Variants in RGS7BP observed in about 807,000 individuals in gnomAD.
The protein encoded by RGS7BP is regulator of G protein signaling 7-binding protein.
RGS7BP carries 9 observed loss-of-function variants against 31.3 expected under a neutral mutation model. The observed-to-expected ratio is 0.29, with a 90% confidence interval of 0.17 to 0.50. RGS7BP has a LOEUF of 0.50. Among genes scored for constraint, RGS7BP ranks in the 20% least tolerant of loss-of-function variants. The pLI, the probability that RGS7BP is intolerant of heterozygous loss-of-function variation, is 0.98. For synonymous variants in RGS7BP, 115 were observed against 120.1 expected, an observed-to-expected ratio of 0.96 and a Z score of 0.28; for missense variants, 274 against 322.0, an observed-to-expected ratio of 0.85 and a Z score of 1.14.
intron 2 of RGS7BP, 107 bp from the exon 3 acceptor site, chr5:64,575,667 C>T (rs1180893161): frequency 2.1e-6 from 3 of 1,453,868 alleles, no homozygotes; most frequent in Non-Finnish European, 2.7e-6. Context: ...AGGATCAAGG[C>T]TTTAAGGAAT....
chr5:64,506,246 C>G lies in RGS7BP; in HGVS notation c.-379C>G, dbSNP rs908660020. 5.2e-5 allele frequency: 9 copies of G among 174,216 alleles called. No homozygotes were observed. Among genetic ancestry groups the G allele is most frequent in the South Asian group, 2.0e-4 (1 of 5,068 alleles). The allele number at this position is 174,216 out of a possible 1,614,324, so 10.8% of individuals were successfully genotyped here. On this transcript the variant is annotated 5_prime_UTR_variant, in exon 1 of 6. Transcript: ENST00000334025. This position sits in a 1 kb window ranked among gnomAD's most constrained non-coding sequence, Gnocchi z 4.6. The stretch of plus-strand genomic sequence containing the variant: ...TGCAGCGCAGGCTTTGAAAGCTGCT[C>G]CCCCACCTGAATGGAAACTCGGAAC...
intron 2 of RGS7BP, among the ~76,000 whole-genome samples, chr5:64,531,209 G>A (rs1749361948): frequency 6.6e-6 from 1 of 152,208 alleles, no homozygotes; most frequent in African/African-American, 2.4e-5. Flanking sequence ...AGGATTGAAT[G>A]TAAGACAACT....
chr5:64,550,535 C>T lies in RGS7BP; in HGVS notation c.333-25239C>T, dbSNP rs188424838. The stretch of plus-strand genomic sequence containing the variant: ...ATGAATTTGGTGAGGGGATTCAGGC[C>T]ATAATGTAGAATATTTCTCACTTTG... On this transcript the variant is annotated intron_variant, in intron 2 of 5. Coordinates refer to ENST00000334025, the MANE Select transcript of RGS7BP (RefSeq NM_001029875.3). Among the ~76,000 whole-genome samples, 153 of 149,606 alleles carry T rather than the reference C, an allele frequency of 1.0e-3. 3 individuals carry two copies. The highest frequency in any genetic ancestry group is 3.8e-3 in the African/African-American group (151 of 39,310).
At chr5:64,603,163 G>T (rs1743265117) in intron 5 of RGS7BP, among the ~76,000 whole-genome samples, 1 of 152,146 alleles carries the variant, frequency 6.6e-6, no homozygotes, top group African/African-American at 2.4e-5. Flanking sequence ...ATCCAGGTGA[G>T]AAATGCTTAA....
rs148863733 is a variant in RGS7BP, at chr5:64,511,513, A to G, written c.332+3636A>G. 3.7e-3 allele frequency among the ~76,000 whole-genome samples: 564 copies of G among 152,320 alleles called. 2 individuals carry two copies. The highest frequency in any genetic ancestry group is 0.031 in the Middle Eastern group (9 of 294). ...CCCTTCAATCTAAATGTAGAAAGCCATATTTATAAAGACAGTCGCAGTGGC... is the reference window on the plus strand; with the variant it reads ...CCCTTCAATCTAAATGTAGAAAGCCGTATTTATAAAGACAGTCGCAGTGGC... On this transcript the variant is annotated intron_variant, in intron 2 of 5. Transcript: ENST00000334025.
intron 2 of RGS7BP, among the ~76,000 whole-genome samples, chr5:64,557,478 C>A (rs72754876): frequency 6.6e-6 from 1 of 152,302 alleles, no homozygotes; most frequent in Non-Finnish European, 1.5e-5. Context: ...CCAAGACAGA[C>A]AAGAGCTGTC....
At chr5:64,595,542 A>G (rs1288473481) in intron 4 of RGS7BP, among the ~76,000 whole-genome samples, 1 of 152,098 alleles carries the variant, frequency 6.6e-6, no homozygotes, top group Non-Finnish European at 1.5e-5. Context: ...GAGTAATAAT[A>G]ATAATATTAT....
rs202127244 is a variant in RGS7BP, at chr5:64,551,266, TA to T, written c.333-24507del. Reference sequence around the variant, plus strand: ...TTATTTTTTTATTTATTTTTTATTTTATTTTTTTTTTTTTGAGATGGAGTCT... The same window carrying T: ...TTATTTTTTTATTTATTTTTTATTTTTTTTTTTTTTTTTGAGATGGAGTCT... On this transcript the variant is annotated intron_variant, in intron 2 of 5. Coordinates refer to ENST00000334025, the MANE Select transcript of RGS7BP (RefSeq NM_001029875.3). 1.5e-4 allele frequency among the ~76,000 whole-genome samples: 22 copies of T among 150,490 alleles called. 1 individual carries two copies. Among genetic ancestry groups the T allele is most frequent in the African/African-American group, 3.4e-4 (14 of 41,010 alleles).
intron 2 of RGS7BP, among the ~76,000 whole-genome samples, chr5:64,509,868 C>G (rs1748785864): frequency 6.6e-6 from 1 of 152,114 alleles, no homozygotes; most frequent in Non-Finnish European, 1.5e-5. Context: ...GACACATTTC[C>G]CCCCTTACAA....
At chr5:64,598,335 G>T in intron 4 of RGS7BP, 30 bp from the exon 5 acceptor site, 1 of 1,276,382 alleles carries the variant, frequency 7.8e-7, no homozygotes, top group Non-Finnish European at 1.1e-6. Flanking sequence ...ATTTACAGCT[G>T]ATTATTCTGT....
chr5:64,541,683 C>T (rs1741529201), intron 2 of RGS7BP, among the ~76,000 whole-genome samples: 1 of 152,176 alleles, frequency 6.6e-6, no homozygotes, highest in Non-Finnish European at 1.5e-5. Flanking sequence ...CAGTTATTTA[C>T]ACTTTGTATT....
intron 2 of RGS7BP, among the ~76,000 whole-genome samples, chr5:64,509,581 T>C (rs1381561693): frequency 6.6e-6 from 1 of 152,152 alleles, no homozygotes; most frequent in Non-Finnish European, 1.5e-5. Context: ...AGAGGTATTA[T>C]AGCTATGTTA....
intron 2 of RGS7BP, chr5:64,573,547 T>TC: frequency 6.6e-6 from 1 of 150,640 alleles, no homozygotes; most frequent in Non-Finnish European, 1.5e-5. Context: ...TTAAAGGTTT[T>TC]AAAAAAAAAA....
chr5:64,515,735 T>C (rs272632), intron 2 of RGS7BP, among the ~76,000 whole-genome samples: 42,728 of 149,530 alleles, frequency 0.29, 6,915 homozygotes, highest in Admixed American at 0.37. Flanking sequence ...CACACACACA[T>C]ATAATGCACA....
chr5:64,585,867 A>G (rs1225500375), intron 3 of RGS7BP, among the ~76,000 whole-genome samples: 1 of 152,202 alleles, frequency 6.6e-6, no homozygotes, highest in Non-Finnish European at 1.5e-5. Context: ...AGTTCTAAAC[A>G]GTGATGCAAC....
At chr5:64,524,546 T>C (rs1749184469) in intron 2 of RGS7BP, among the ~76,000 whole-genome samples, 1 of 152,200 alleles carries the variant, frequency 6.6e-6, no homozygotes, top group South Asian at 2.1e-4. Context: ...CTCTATAATT[T>C]CTTCTAATTA....
chr5:64,516,083 T>C (rs1748965711), intron 2 of RGS7BP, among the ~76,000 whole-genome samples: 1 of 152,086 alleles, frequency 6.6e-6, no homozygotes, highest in South Asian at 2.1e-4. Context: ...GGATTATAGG[T>C]GTGACTCACC....
At chr5:64,515,258 CTAT>C (rs1748943875) in intron 2 of RGS7BP, among the ~76,000 whole-genome samples, 2 of 152,214 alleles carry the variant, frequency 1.3e-5, no homozygotes, top group South Asian at 4.2e-4. Context: ...TTACATTTAA[CTAT>C]TATTATTTTC....
chr5:64,605,541 A>G (rs892867843), intron 5 of RGS7BP, among the ~76,000 whole-genome samples: 27 of 152,128 alleles, frequency 1.8e-4, no homozygotes, highest in African/African-American at 5.8e-4. Context: ...ATTCACTTCA[A>G]ACCATCCCAG....
Sources: allele counts gnomAD v4.1 joint callset (sites outside exome capture counted in the v4.1 genomes callset), GRCh38; gene constraint gnomAD v4.1.1; non-coding constraint Gnocchi (gnomAD v3.1); transcripts MANE v1.5; gene names NCBI Gene and HGNC (gene_info 2026-07-23, HGNC 2026-07-21).